The following CDH23 variants were observed in gnomAD, a reference collection of about 807,000 sequenced individuals.
CDH23 encodes cadherin related 23.
In CDH23, 189 loss-of-function variants were observed where a neutral mutation model predicts 317.1. That is an observed-to-expected ratio of 0.60 (90% CI 0.53 to 0.67). The LOEUF (loss-of-function observed/expected upper bound fraction) is 0.67, where lower values mean the gene tolerates loss of function less well. Among genes scored for constraint, CDH23 ranks in the 30% least tolerant of loss-of-function variants. The pLI is 0.00. For synonymous variants in CDH23, 1,839 were observed against 1,876.8 expected, an observed-to-expected ratio of 0.98 and a Z score of 0.52; for missense variants, 4,401 against 4,592.4, an observed-to-expected ratio of 0.96 and a Z score of 1.20.
intron 29 of CDH23, among the ~76,000 whole-genome samples, chr10:71,725,037 C>T (rs894959927): frequency 7.9e-5 from 12 of 152,238 alleles, no homozygotes; most frequent in Non-Finnish European, 1.3e-4. Context: ...AAAAAGGCCT[C>T]ACACTACCCA....
chr10:71,760,804 T>C, intron 38 of CDH23: 1 of 1,506,004 alleles, frequency 6.6e-7, no homozygotes, highest in Admixed American at 1.7e-5. Context: ...AAACAGGGTC[T>C]GGGTGCAGGA....
At chr10:71,477,794 T>C (rs957748337) in intron 3 of CDH23, among the ~76,000 whole-genome samples, 3 of 152,314 alleles carry the variant, frequency 2.0e-5, no homozygotes, top group Admixed American at 2.0e-4. Context: ...TAGATCTTGC[T>C]GTTTCTACTT....
chr10:71,596,907 C>A (rs188989786), intron 9 of CDH23, among the ~76,000 whole-genome samples: 2 of 152,180 alleles, frequency 1.3e-5, no homozygotes, highest in Non-Finnish European at 2.9e-5. Context: ...CACCTCCCCG[C>A]TGCCCGGCAC....
chr10:71,815,703 C>G lies in CDH23; in HGVS notation c.*425C>G, dbSNP rs1002742554. The G allele has an allele frequency of 6.1e-6, 1 of 163,316 alleles. No homozygotes were observed. The highest frequency in any genetic ancestry group is 1.3e-5 in the Non-Finnish European group (1 of 75,412). The allele number at this position is 163,316 out of a possible 1,614,324, so 10.1% of individuals were successfully genotyped here. A position where few individuals can be genotyped will look rare whatever the true frequency, so the allele number is the denominator to read the frequency against. On this transcript the variant is annotated 3_prime_UTR_variant, in exon 70 of 70. Transcript: ENST00000224721. The stretch of plus-strand genomic sequence containing the variant: ...CCCAGCGCGGACATCCCCTGCTGGC[C>G]GGACACCCGACTCCAGTCCAAGTCT...
intron 13 of CDH23, 45 bp from the exon 14 acceptor site, chr10:71,646,414 G>C: frequency 6.2e-7 from 1 of 1,603,460 alleles, no homozygotes. Context: ...GACTCTGGGA[G>C]GGGACATGTG....
Position 71,694,072 on chromosome 10 carries a change from G to T in CDH23, c.2177-75G>T, listed in dbSNP as rs986300934. The stretch of plus-strand genomic sequence containing the variant: ...AGTTCTCACCCTCTCTCCTTCCCTC[G>T]CTCTCTCTCTTCTTCCCTCCCTCTC... On this transcript the variant is annotated intron_variant, in intron 20 of 69. Transcript: ENST00000224721. The T allele has an allele frequency of 2.6e-6, 3 of 1,145,626 alleles. No individual in the cohort carries two copies. In the African/African-American group the frequency reaches 4.6e-5, roughly 18 times the overall value. The allele number at this position is 1,145,626 out of a possible 1,614,324, so 71.0% of individuals were successfully genotyped here.
At chr10:71,547,647 GT>G (rs1364520598) in intron 6 of CDH23, among the ~76,000 whole-genome samples, 1 of 152,226 alleles carries the variant, frequency 6.6e-6, no homozygotes, top group East Asian at 1.9e-4. Flanking sequence ...CCCCGCAGGG[GT>G]GGTGGTGGGT....
chr10:71,705,598 G>C (rs1197093203), intron 25 of CDH23, among the ~76,000 whole-genome samples: 2 of 152,214 alleles, frequency 1.3e-5, no homozygotes, highest in Non-Finnish European at 2.9e-5. Context: ...CCTGGGAAGA[G>C]AGCAGCTGGG....
chr10:71,583,778 C>G (rs2132421098), intron 9 of CDH23, among the ~76,000 whole-genome samples: 1 of 152,284 alleles, frequency 6.6e-6, no homozygotes. Context: ...CACAAGTTAT[C>G]CCTCAAAACA....
intron 3 of CDH23, among the ~76,000 whole-genome samples, chr10:71,452,046 C>T (rs1589327973): frequency 6.6e-6 from 1 of 152,186 alleles, no homozygotes; most frequent in Non-Finnish European, 1.5e-5. Flanking sequence ...AGATGCTGTA[C>T]GTGCCTATGC....
intron 14 of CDH23, among the ~76,000 whole-genome samples, chr10:71,667,395 TGCGC>T (rs1213586112): frequency 3.3e-4 from 46 of 138,670 alleles, no homozygotes; most frequent in Middle Eastern, 3.7e-3. Context: ...TGTGTGTGTG[TGCGC>T]GTGTGTGTGT....
intron 6 of CDH23, among the ~76,000 whole-genome samples, chr10:71,513,853 C>T (rs1854128549): frequency 6.6e-6 from 1 of 152,116 alleles, no homozygotes; most frequent in South Asian, 2.1e-4. Context: ...TCGTTCTTTG[C>T]AGGATGGCGG....
chr10:71,524,898 T>C (rs1290483503), intron 6 of CDH23, among the ~76,000 whole-genome samples: 2 of 152,224 alleles, frequency 1.3e-5, no homozygotes, highest in Non-Finnish European at 2.9e-5. Flanking sequence ...CTGCGACACC[T>C]GTATTTTATT....
chr10:71,488,267 A>C (rs1852459650), intron 3 of CDH23, among the ~76,000 whole-genome samples: 1 of 152,240 alleles, frequency 6.6e-6, no homozygotes, highest in South Asian at 2.1e-4. Context: ...AGGAGGTAAA[A>C]GGTTTTCCAG....
intron 14 of CDH23, among the ~76,000 whole-genome samples, chr10:71,671,005 G>T (rs1281118951): frequency 1.3e-5 from 2 of 150,252 alleles, no homozygotes; most frequent in Admixed American, 1.3e-4. Context: ...TGTCACACAG[G>T]CTGGAGTGCA....
At chr10:71,433,650 C>T (rs557675454) in intron 1 of CDH23, among the ~76,000 whole-genome samples, 1 of 151,836 alleles carries the variant, frequency 6.6e-6, no homozygotes, top group South Asian at 2.1e-4. Flanking sequence ...AATGAACTTC[C>T]GATCTTGTCC....
chr10:71,739,772 G>C lies in CDH23; in HGVS notation c.4488G>C (p.Gln1496His), dbSNP rs121908347. 1.9e-6 allele frequency: 3 copies of C among 1,608,304 alleles called. No individual in the cohort carries two copies. The highest frequency in any genetic ancestry group is 3.3e-5 in the Admixed American group (2 of 59,864). Reference sequence around the variant, plus strand: ...AAGAGCTGGATCACTACATCCTCCAGGTGGGGCCTGGCCTCCCTTGGACTG... The same window carrying C: ...AAGAGCTGGATCACTACATCCTCCACGTGGGGCCTGGCCTCCCTTGGACTG... Reference protein sequence around the residue: ...DREELDHYILQVVASDRGTPP... With the variant: ...DREELDHYILHVVASDRGTPP... The change falls in exon 36 of 70, where the codon CAG becomes CAC. Residue 1496 changes from glutamine to histidine, a missense_variant and splice_region_variant. Coordinates refer to ENST00000224721, the MANE Select transcript of CDH23 (RefSeq NM_022124.6).
In CDH23 at chr10:71,815,555, G is replaced by A. The variant is rs1842106146; in HGVS notation, c.*277G>A. On this transcript the variant is annotated 3_prime_UTR_variant, in exon 70 of 70. Coordinates refer to ENST00000224721, the MANE Select transcript of CDH23 (RefSeq NM_022124.6). ...AAGGACAAGGTAAGGAGGGTCACTGGGGCCCAAGAGTCTGGGGACCAGCTT... is the reference window on the plus strand; with the variant it reads ...AAGGACAAGGTAAGGAGGGTCACTGAGGCCCAAGAGTCTGGGGACCAGCTT... The A allele has an allele frequency of 3.1e-6, 1 of 319,280 alleles. No homozygotes were observed. Among genetic ancestry groups the A allele is most frequent in the Admixed American group, 4.5e-5 (1 of 22,106 alleles). The allele number at this position is 319,280 out of a possible 1,614,324, so 19.8% of individuals were successfully genotyped here.
chr10:71,755,645 G>A (rs1840122665), intron 38 of CDH23, among the ~76,000 whole-genome samples: 1 of 152,094 alleles, frequency 6.6e-6, no homozygotes, highest in African/African-American at 2.4e-5. Flanking sequence ...TCCTTTCAAA[G>A]AGAGCCCTGT....
Sources: allele counts gnomAD v4.1 joint callset (sites outside exome capture counted in the v4.1 genomes callset), GRCh38; gene constraint gnomAD v4.1.1; transcripts MANE v1.5; gene names NCBI Gene and HGNC (gene_info 2026-07-23, HGNC 2026-07-21).